ZNF385B: variants seen among roughly 807,000 people sequenced by gnomAD.
ZNF385B encodes zinc finger protein 533.
Under a neutral mutation model 39.2 loss-of-function variants are expected in ZNF385B, and 23 were observed. That is an observed-to-expected ratio of 0.59 (90% confidence interval 0.42 to 0.83). ZNF385B has a LOEUF of 0.83. Among genes scored for constraint, ZNF385B ranks in the 40% least tolerant of loss-of-function variants. The pLI is 0.00. For synonymous variants in ZNF385B, 205 were observed against 222.6 expected (o/e 0.92, Z 0.70); for missense variants, 552 against 598.9 (o/e 0.92, Z 0.82).
intron 3 of ZNF385B, among the ~76,000 whole-genome samples, chr2:179,673,068 T>C (rs750029196): frequency 1.8e-4 from 27 of 152,138 alleles, no homozygotes; most frequent in African/African-American, 6.5e-4. Flanking sequence ...TGGTTAGATA[T>C]TGAGGGGAGA....
chr2:179,838,802 A>G (rs1708388710), intron 1 of ZNF385B, among the ~76,000 whole-genome samples: 2 of 151,912 alleles, frequency 1.3e-5, no homozygotes, highest in Non-Finnish European at 1.5e-5. Flanking sequence ...TAATTTTTTC[A>G]TGACTAGAAT....
intron 3 of ZNF385B, among the ~76,000 whole-genome samples, chr2:179,569,679 G>T (rs1373805600): frequency 6.6e-6 from 1 of 152,162 alleles, no homozygotes; most frequent in Admixed American, 6.6e-5. Flanking sequence ...TACTATATAA[G>T]GTCTTTAAGT....
chr2:179,811,664 T>C (rs537907551), intron 1 of ZNF385B, among the ~76,000 whole-genome samples: 62 of 152,112 alleles, frequency 4.1e-4, no homozygotes, highest in African/African-American at 1.4e-3. Context: ...CATGGATTAT[T>C]TAAATGTAAG....
chr2:179,597,933 C>T (rs925330314), intron 3 of ZNF385B, among the ~76,000 whole-genome samples: 1 of 152,104 alleles, frequency 6.6e-6, no homozygotes, highest in Admixed American at 6.5e-5. Context: ...ATCATCTTCA[C>T]TAGAGCTCAA....
chr2:179,671,145 T>C (rs3106718), intron 3 of ZNF385B, among the ~76,000 whole-genome samples: 63,970 of 152,078 alleles, frequency 0.42, 14,199 homozygotes, highest in African/African-American at 0.57. Flanking sequence ...CTTTGTCTAT[T>C]TGAGATGGTT....
intron 3 of ZNF385B, among the ~76,000 whole-genome samples, chr2:179,598,587 T>C (rs188293820): frequency 5.9e-5 from 9 of 152,160 alleles, no homozygotes; most frequent in Non-Finnish European, 1.2e-4. Flanking sequence ...TATTCTGATA[T>C]GTATTTATTA....
intron 3 of ZNF385B, among the ~76,000 whole-genome samples, chr2:179,683,693 C>G (rs544332117): frequency 2.0e-4 from 30 of 152,054 alleles, no homozygotes; most frequent in Non-Finnish European, 3.8e-4. Context: ...CTAGGCTAGT[C>G]TCGAACTCCT....
intron 1 of ZNF385B, among the ~76,000 whole-genome samples, chr2:179,839,419 A>G (rs1169355297): frequency 6.6e-6 from 1 of 152,246 alleles, no homozygotes; most frequent in Non-Finnish European, 1.5e-5. Flanking sequence ...AAGGCATACT[A>G]TCCTTATTCA....
chr2:179,673,984 G>A (rs78797653), intron 3 of ZNF385B, among the ~76,000 whole-genome samples: 5,149 of 152,060 alleles, frequency 0.034, 287 homozygotes, highest in African/African-American at 0.12. Flanking sequence ...GATTAAATTA[G>A]ATGTATTGAT....
At position 179,861,457 on chromosome 2, in the gene ZNF385B, G is replaced by A; in HGVS notation, c.-511C>T. On this transcript the variant is annotated 5_prime_UTR_variant, in exon 1 of 10. Coordinates refer to ENST00000410066, the MANE Select transcript of ZNF385B (RefSeq NM_152520.6). ...GCGCCCGGCCCGGCCCGGCCCCGCC[G>A]CACGCCCGCCCCCCTGGCCTGGCCG... The A allele has an allele frequency of 6.6e-6, 1 of 151,808 alleles. No individual in the cohort carries two copies. Among genetic ancestry groups the A allele is most frequent in the South Asian group, 2.0e-4 (1 of 5,102 alleles). 9.4% of individuals were successfully genotyped at this position (151,808 alleles called of 1,614,324 possible). A position where few individuals can be genotyped will look rare whatever the true frequency, so the allele number is the denominator to read the frequency against.
intron 1 of ZNF385B, among the ~76,000 whole-genome samples, chr2:179,841,257 T>G (rs1213791557): frequency 2.0e-5 from 3 of 152,188 alleles, no homozygotes; most frequent in Non-Finnish European, 4.4e-5. Context: ...CTTTCTATAT[T>G]CAGACTAGAT....
chr2:179,698,676 T>G (rs962791665), intron 3 of ZNF385B, among the ~76,000 whole-genome samples: 3 of 152,202 alleles, frequency 2.0e-5, no homozygotes, highest in Non-Finnish European at 4.4e-5. Flanking sequence ...AGAGGAGTGA[T>G]CATAATAAAA....
chr2:179,574,006 G>C (rs923640798), intron 3 of ZNF385B, among the ~76,000 whole-genome samples: 1 of 151,980 alleles, frequency 6.6e-6, no homozygotes, highest in Non-Finnish European at 1.5e-5. Flanking sequence ...TCCACAGAAG[G>C]GTATCCTTGT....
At chr2:179,505,068 C>A (rs1355099803) in intron 5 of ZNF385B, among the ~76,000 whole-genome samples, 1 of 152,060 alleles carries the variant, frequency 6.6e-6, no homozygotes, top group Non-Finnish European at 1.5e-5. Context: ...GCCAACAGAT[C>A]AGCAGTTTCC....
intron 3 of ZNF385B, among the ~76,000 whole-genome samples, chr2:179,741,609 G>A (rs1702091980): frequency 6.6e-6 from 1 of 152,048 alleles, no homozygotes; most frequent in South Asian, 2.1e-4. Context: ...TGGGAATGGA[G>A]TTTTGGTAAA....
intron 4 of ZNF385B, among the ~76,000 whole-genome samples, chr2:179,541,722 G>A (rs2059929701): frequency 6.6e-6 from 1 of 152,110 alleles, no homozygotes; most frequent in Admixed American, 6.6e-5. Flanking sequence ...CGTGTTGTTT[G>A]TAGAGGTCTA....
chr2:179,692,076 A>G (rs1698397543), intron 3 of ZNF385B, among the ~76,000 whole-genome samples: 1 of 152,054 alleles, frequency 6.6e-6, no homozygotes, highest in Non-Finnish European at 1.5e-5. Flanking sequence ...TAGTCACCTT[A>G]TTGTACTACC....
chr2:179,764,193 T>C (rs1177220884), intron 3 of ZNF385B, among the ~76,000 whole-genome samples: 1 of 152,198 alleles, frequency 6.6e-6, no homozygotes, highest in Non-Finnish European at 1.5e-5. Flanking sequence ...GAATATCTTA[T>C]CAGTACATAA....
Position 179,502,965 on chromosome 2 carries a change from C to G in ZNF385B, c.552+15563G>C, listed in dbSNP as rs531687431. 3.9e-5 allele frequency among the ~76,000 whole-genome samples: 6 copies of G among 152,288 alleles called. No individual in the cohort carries two copies. In the South Asian group the frequency reaches 1.2e-3, roughly 32 times the overall value. ...CATGGCTCACTGCAGGCTTGACCTCCCGGGGTCAAAGCAATCTCCCCACCT... is the reference window on the plus strand; with the variant it reads ...CATGGCTCACTGCAGGCTTGACCTCGCGGGGTCAAAGCAATCTCCCCACCT... On this transcript the variant is annotated intron_variant, in intron 5 of 9. Coordinates refer to ENST00000410066, the MANE Select transcript of ZNF385B (RefSeq NM_152520.6).
Sources: gnomAD v4.1 joint callset for allele counts (sites outside exome capture counted in the v4.1 genomes callset) on GRCh38, gnomAD v4.1.1 for gene constraint, MANE v1.5 for transcripts, NCBI Gene and HGNC (gene_info 2026-07-23, HGNC 2026-07-21) for gene names.